ANO2: variants seen among roughly 807,000 people sequenced by gnomAD.
ANO2 encodes anoctamin 2.
ANO2 carries 101 observed loss-of-function variants against 124.2 expected under a neutral mutation model. That is an observed-to-expected ratio of 0.81 (90% CI 0.69 to 0.96). ANO2 has a LOEUF of 0.96. Among genes scored for constraint, ANO2 ranks in the 40% least tolerant of loss-of-function variants. The pLI, the probability that ANO2 is intolerant of heterozygous loss-of-function variation, is 0.00. For synonymous variants in ANO2, 486 were observed against 482.5 expected (o/e 1.01, Z -0.09); for missense variants, 1,293 against 1,274.5 (o/e 1.01, Z -0.22).
chr12:5,832,723 G>T, intron 4 of ANO2, 120 bp from the exon 5 acceptor site: 1 of 1,178,394 alleles, frequency 8.5e-7, no homozygotes, highest in Non-Finnish European at 1.2e-6. Flanking sequence ...GAGAGGAAGA[G>T]ACTGGGAGAA....
intron 14 of ANO2, among the ~76,000 whole-genome samples, chr12:5,719,333 C>T (rs1481508207): frequency 6.6e-6 from 1 of 152,188 alleles, no homozygotes; most frequent in Non-Finnish European, 1.5e-5. Context: ...ACAGTTGGAG[C>T]TGCCCATAAC....
intron 2 of ANO2, 31 bp downstream of exon 2, chr12:5,922,589 T>TCC (rs113271594): frequency 1.2e-4 from 180 of 1,449,896 alleles, no homozygotes; most frequent in East Asian, 2.7e-4. Flanking sequence ...GGCTGGCCTA[T>TCC]CCCCCCACCC....
intron 20 of ANO2, among the ~76,000 whole-genome samples, chr12:5,587,364 T>G (rs1943166819): frequency 6.6e-6 from 1 of 152,230 alleles, no homozygotes; most frequent in Admixed American, 6.5e-5. Context: ...GACTTGTCAC[T>G]AAACTCTTCC....
At chr12:5,928,320 GCAAAAC>G (rs1293762391) in intron 1 of ANO2, among the ~76,000 whole-genome samples, 1 of 152,208 alleles carries the variant, frequency 6.6e-6, no homozygotes, top group Non-Finnish European at 1.5e-5. Context: ...ACTGCTTCCA[GCAAAAC>G]CAGACAGGCC....
intron 20 of ANO2, among the ~76,000 whole-genome samples, chr12:5,582,276 T>G (rs1375019817): frequency 6.6e-6 from 1 of 152,242 alleles, no homozygotes; most frequent in Non-Finnish European, 1.5e-5. Flanking sequence ...TGCTGTAAAA[T>G]GCTCCAGTAA....
intron 19 of ANO2, among the ~76,000 whole-genome samples, chr12:5,611,458 T>C (rs897325481): frequency 3.9e-5 from 6 of 152,186 alleles, no homozygotes; most frequent in Non-Finnish European, 8.8e-5. Flanking sequence ...GTCTTAGCCA[T>C]ATGAGCCATG....
rs1942016005 is a variant in ANO2 at position 5,925,011 on chromosome 12, T to C, written c.23-2207A>G. On this transcript the variant is annotated intron_variant, in intron 1 of 24. Coordinates refer to ENST00000682330, the MANE Select transcript of ANO2 (RefSeq NM_001364791.2). The surrounding 1 kb of genome is among the most constrained non-coding windows in gnomAD (Gnocchi z 4.6). ...TGTGCCCAATCTCGCCTCCTCCCAC[T>C]TCCCTTGTGCCTTCCTGCATGCCTG... Among the ~76,000 whole-genome samples the C allele has an allele frequency of 6.6e-6, 1 of 152,128 alleles. No homozygotes were observed. The highest frequency in any genetic ancestry group is 1.5e-5 in the Non-Finnish European group (1 of 68,020).
intron 14 of ANO2, among the ~76,000 whole-genome samples, chr12:5,728,581 G>T (rs1323765340): frequency 6.6e-6 from 1 of 152,140 alleles, no homozygotes; most frequent in Admixed American, 6.5e-5. Context: ...TTAGTCTATA[G>T]ATTCAACTCA....
intron 19 of ANO2, chr12:5,608,830 G>A (rs930499512): frequency 2.0e-5 from 3 of 152,256 alleles, no homozygotes; most frequent in Admixed American, 6.5e-5. Context: ...ACACATGCCC[G>A]AGTTCTTGCC....
chr12:5,861,839 C>G (rs976805765), intron 3 of ANO2, among the ~76,000 whole-genome samples: 16 of 152,148 alleles, frequency 1.1e-4, no homozygotes, highest in African/African-American at 3.9e-4. Flanking sequence ...GCTCACACAG[C>G]TGGAGGACAG....
intron 14 of ANO2, among the ~76,000 whole-genome samples, chr12:5,657,586 C>T (rs1157243874): frequency 6.6e-6 from 1 of 151,414 alleles, no homozygotes; most frequent in Non-Finnish European, 1.5e-5. Context: ...GCCCTTGGGA[C>T]ATTGTCAGAG....
At chr12:5,691,023 G>A (rs190255985) in intron 14 of ANO2, among the ~76,000 whole-genome samples, 120 of 152,104 alleles carry the variant, frequency 7.9e-4, no homozygotes, top group African/African-American at 2.8e-3. Flanking sequence ...ATGGAGAGAC[G>A]GCCGGCAAAG....
chr12:5,630,217 A>G (rs1446047140), intron 16 of ANO2, among the ~76,000 whole-genome samples: 3 of 152,170 alleles, frequency 2.0e-5, no homozygotes, highest in Non-Finnish European at 4.4e-5. Context: ...CTCAACTATC[A>G]AGAGATCTGG....
rs143185930 is a variant in ANO2, at chr12:5,884,372, A to G, written c.535-30231T>C. On this transcript the variant is annotated intron_variant, in intron 3 of 24. Coordinates refer to ENST00000682330, the MANE Select transcript of ANO2 (RefSeq NM_001364791.2). ...GTGGGCTGATATGAATGCCAAGCCC[A>G]TAATTTAAAGTCTGTCCTTTCGTCC... is the stretch of plus-strand genomic sequence containing the variant. Among the ~76,000 whole-genome samples the G allele has an allele frequency of 6.4e-3, 972 of 152,362 alleles. 14 individuals are homozygous for G. Among genetic ancestry groups the G allele is most frequent in the African/African-American group, 0.022 (908 of 41,586 alleles).
At position 5,921,065 on chromosome 12, in the gene ANO2, C is replaced by T; in HGVS notation, c.509G>A (p.Gly170Glu). The T allele has an allele frequency of 6.2e-7, 1 of 1,611,764 alleles. No individual in the cohort carries two copies. Among genetic ancestry groups the T allele is most frequent in the Non-Finnish European group, 8.5e-7 (1 of 1,178,060 alleles). ...EEFEHNLMEA[G>E]LELEKDLENK... ...CTCCAAGTCCTTCTCAAGCTCCAGT[C>T]CAGCCTCCATCAGATTGTGCTCAAA... is the stretch of plus-strand genomic sequence containing the variant. The change falls in exon 3 of 25, where the codon GGA (glycine) becomes GAA (glutamate). Residue 170 changes from glycine to glutamate, a missense_variant. Physicochemically the swap from Gly to Glu is moderately conservative, Grantham distance 98. Transcript: ENST00000682330.
chr12:5,604,618 G>A (rs1944119055), intron 19 of ANO2, among the ~76,000 whole-genome samples: 1 of 152,084 alleles, frequency 6.6e-6, no homozygotes, highest in Non-Finnish European at 1.5e-5. Flanking sequence ...CTACGGGAGG[G>A]GCTTTGTGAT....
intron 14 of ANO2, among the ~76,000 whole-genome samples, chr12:5,669,192 G>A (rs1415393970): frequency 2.0e-5 from 3 of 152,120 alleles, no homozygotes; most frequent in Non-Finnish European, 4.4e-5. Flanking sequence ...TTTTCCATTT[G>A]TTTGTGTCCT....
chr12:5,724,673 G>T (rs1456743456), intron 14 of ANO2, among the ~76,000 whole-genome samples: 4 of 152,168 alleles, frequency 2.6e-5, no homozygotes, highest in Non-Finnish European at 2.9e-5. Flanking sequence ...TGTCCCCAGG[G>T]TGATGAACTG....
At chr12:5,843,637 A>G (rs1317753012) in intron 4 of ANO2, among the ~76,000 whole-genome samples, 1 of 151,740 alleles carries the variant, frequency 6.6e-6, no homozygotes, top group African/African-American at 2.4e-5. Context: ...GTACTGAACT[A>G]TCAAAAACAG....
Sources: allele counts gnomAD v4.1 joint callset (sites outside exome capture counted in the v4.1 genomes callset), GRCh38; gene constraint gnomAD v4.1.1; non-coding constraint Gnocchi (gnomAD v3.1); transcripts MANE v1.5; gene names NCBI Gene and HGNC (gene_info 2026-07-23, HGNC 2026-07-21).